Variants in ANKRD30A observed in about 807,000 individuals in gnomAD.
ANKRD30A encodes ankyrin repeat domain 30A, also known as ankyrin repeat domain-containing protein 30A.
In ANKRD30A, 170 loss-of-function variants were observed where a neutral mutation model predicts 166.3. That is an observed-to-expected ratio of 1.02 (90% CI 0.90 to 1.16). The LOEUF (loss-of-function observed/expected upper bound fraction) is 1.16. Among genes scored for constraint, ANKRD30A ranks in the 50% most tolerant of loss-of-function variants. The pLI is 0.00. For missense variants in ANKRD30A, 1,630 were observed against 1,518.0 expected (o/e 1.07, Z -1.23); for synonymous variants, 564 against 508.9 (o/e 1.11, Z -1.46).
intron 31 of ANKRD30A, among the ~76,000 whole-genome samples, chr10:37,211,537 T>G (rs922995952): frequency 3.3e-5 from 5 of 152,216 alleles, no homozygotes; most frequent in East Asian, 1.9e-4. Context: ...CTATCATTGT[T>G]GGACATTTGT....
intron 8 of ANKRD30A, among the ~76,000 whole-genome samples, chr10:37,145,703 A>C (rs1207000987): frequency 1.3e-5 from 2 of 152,242 alleles, no homozygotes; most frequent in Non-Finnish European, 2.9e-5. Context: ...TTGGGCAATT[A>C]TATGACTCAG....
At chr10:37,224,446 CTGT>C (rs1843039667) in intron 34 of ANKRD30A, among the ~76,000 whole-genome samples, 1 of 150,094 alleles carries the variant, frequency 6.7e-6, no homozygotes, top group Admixed American at 6.7e-5. Flanking sequence ...CACTAAACTT[CTGT>C]TGTTTTTGAT....
intron 34 of ANKRD30A, among the ~76,000 whole-genome samples, chr10:37,230,855 G>C (rs1843383261): frequency 1.3e-5 from 2 of 152,094 alleles, no homozygotes; most frequent in Admixed American, 6.6e-5. Flanking sequence ...CTGAAGGTTT[G>C]TGTGGAAGAC....
intron 34 of ANKRD30A, among the ~76,000 whole-genome samples, chr10:37,229,377 T>C (rs1255128684): frequency 1.3e-5 from 2 of 151,998 alleles, no homozygotes; most frequent in African/African-American, 4.8e-5. Context: ...GACATGTACA[T>C]ACACGTTTAT....
rs750282260 is a variant in ANKRD30A, at chr10:37,129,967, T to A, written c.296T>A (p.Leu99His). ...TTTCTGGTAGACAGAAAGTGCCAGC[T>A]TGACGTCCTTGATGGCGAACACAGG... is the stretch of plus-strand genomic sequence containing the variant. ...VTFLVDRKCQ[L>H]DVLDGEHRTP... The change falls in exon 2 of 36, where the codon CTT becomes CAT. Residue 99 changes from leucine (L) to histidine (H), a missense_variant. Leu to His is a moderately conservative substitution (Grantham distance 99). This residue lies in a region of ANKRD30A where 904 missense variants were observed against 818.5 expected (regional missense o/e 1.10). Coordinates refer to ENST00000361713, the MANE Select transcript of ANKRD30A (RefSeq NM_052997.3). The A allele has an allele frequency of 1.3e-5, 21 of 1,579,610 alleles. No homozygotes were observed. The highest frequency in any genetic ancestry group is 1.7e-5 in the Non-Finnish European group (20 of 1,160,904).
chr10:37,240,256 G>A, the ANKRD30A span, among the ~76,000 whole-genome samples: 2 of 152,006 alleles, frequency 1.3e-5, no homozygotes, highest in East Asian at 3.9e-4. Context: ...TCTGTTTTTG[G>A]CTCTAACTCT....
Position 37,183,682 on chromosome 10 carries a change from AT to A in ANKRD30A, c.2422-5784del, listed in dbSNP as rs1381911703. Among the ~76,000 whole-genome samples the A allele has an allele frequency of 6.8e-5, 10 of 147,958 alleles. No individual in the cohort carries two copies. In the East Asian group the frequency reaches 1.6e-3, roughly 24 times the overall value. On this transcript the variant is annotated intron_variant, in intron 24 of 35. Coordinates refer to ENST00000361713, the MANE Select transcript of ANKRD30A (RefSeq NM_052997.3). ...TTCAGTTTATGGTCTCATTTCTCAT[AT>A]AAACTGTGAAAATTCTCCACGGCTT... is the stretch of plus-strand genomic sequence containing the variant.
At chr10:37,221,662 T>A (rs76754751) in intron 34 of ANKRD30A, among the ~76,000 whole-genome samples, 10,106 of 151,408 alleles carry the variant, frequency 0.067, 419 homozygotes, top group Middle Eastern at 0.11. Context: ...AATGTTTTTC[T>A]TATAATTACA....
intron 13 of ANKRD30A, among the ~76,000 whole-genome samples, chr10:37,158,105 A>G (rs1388066508): frequency 6.6e-6 from 1 of 152,100 alleles, no homozygotes; most frequent in East Asian, 1.9e-4. Flanking sequence ...GCTTTCTCTT[A>G]CTGATAGTAG....
chr10:37,223,922 G>T (rs1305623533), intron 34 of ANKRD30A, among the ~76,000 whole-genome samples: 2 of 150,942 alleles, frequency 1.3e-5, no homozygotes, highest in East Asian at 3.9e-4. Context: ...ATTAGGAAAA[G>T]AAATAACTGG....
chr10:37,234,271 A>G (rs573275342), downstream of ANKRD30A, among the ~76,000 whole-genome samples: 148 of 152,274 alleles, frequency 9.7e-4, no homozygotes, highest in African/African-American at 3.5e-3. Flanking sequence ...TTTGTTCTAT[A>G]TATGAGAAGG....
At chr10:37,194,774 G>T (rs1462850617) in intron 27 of ANKRD30A, among the ~76,000 whole-genome samples, 1 of 152,112 alleles carries the variant, frequency 6.6e-6, no homozygotes, top group African/African-American at 2.4e-5. Flanking sequence ...CTCATAGTTT[G>T]CCATGTTAAC....
At chr10:37,194,472 C>A (rs868059570) in intron 27 of ANKRD30A, among the ~76,000 whole-genome samples, 42 of 152,012 alleles carry the variant, frequency 2.8e-4, no homozygotes, top group African/African-American at 1.0e-3. Context: ...TCCCGAGTAG[C>A]TGGGACTCCA....
At chr10:37,247,525 A>G in the ANKRD30A span, among the ~76,000 whole-genome samples, 1 of 152,084 alleles carries the variant, frequency 6.6e-6, no homozygotes, top group Non-Finnish European at 1.5e-5. Flanking sequence ...AGAGAGGAAC[A>G]ACGTACACTG....
rs149044384 is a variant in ANKRD30A at position 37,137,329 on chromosome 10, C to A, written c.820+658C>A. Among the ~76,000 whole-genome samples the A allele has an allele frequency of 9.2e-3, 1,398 of 152,226 alleles. 29 individuals carry two copies. Among genetic ancestry groups the A allele is most frequent in the African/African-American group, 0.032 (1,322 of 41,536 alleles). ...AAGGGATGGGTGATTTCTGCATTTC[C>A]AACTGAGGTACCCGGTTCATCTCAC... On this transcript the variant is annotated intron_variant, in intron 6 of 35. Transcript: ENST00000361713.
intron 18 of ANKRD30A, among the ~76,000 whole-genome samples, chr10:37,166,061 T>TGCTTAAAATAA (rs1839306780): frequency 6.6e-6 from 1 of 152,158 alleles, no homozygotes; most frequent in South Asian, 2.1e-4. Flanking sequence ...AGAAACATGT[T>TGCTTAAAATAA]GCTTATTTTA....
intron 24 of ANKRD30A, among the ~76,000 whole-genome samples, chr10:37,179,831 A>C (rs1178209434): frequency 6.0e-5 from 6 of 99,396 alleles, no homozygotes; most frequent in Admixed American, 3.1e-4. Context: ...TTGTCTCCTT[A>C]TCAGTCAGCA....
At chr10:37,233,205 C>A (rs1843532062), downstream of ANKRD30A, among the ~76,000 whole-genome samples, 1 of 152,038 alleles carries the variant, frequency 6.6e-6, no homozygotes, top group Non-Finnish European at 1.5e-5. Flanking sequence ...TGTTTTAATA[C>A]ATAAATTTGA....
chr10:37,247,641 G>A, the ANKRD30A span, among the ~76,000 whole-genome samples: 1 of 151,634 alleles, frequency 6.6e-6, no homozygotes, highest in Admixed American at 6.6e-5. Flanking sequence ...GGAGGCCGAG[G>A]CGGGCAGATC....
Sources: allele counts gnomAD v4.1 joint callset (sites outside exome capture counted in the v4.1 genomes callset), GRCh38; gene constraint gnomAD v4.1.1; regional missense constraint gnomAD v4.1.1; transcripts MANE v1.5; gene names NCBI Gene and HGNC (gene_info 2026-07-23, HGNC 2026-07-21).